Variants in SCRG1 observed in about 807,000 individuals in gnomAD.
SCRG1 encodes the protein stimulator of chondrogenesis 1.
In SCRG1, 3 loss-of-function variants were observed where a neutral mutation model predicts 7.7. That is an observed-to-expected ratio of 0.39 (90% confidence interval 0.18 to 1.01). The LOEUF is 1.01. SCRG1 is among the 50% of genes least tolerant of loss of function. SCRG1 has a pLI of 0.36. For missense variants in SCRG1, 110 were observed against 117.2 expected (o/e 0.94, Z 0.28); for synonymous variants, 46 against 41.2 (o/e 1.12, Z -0.44).
chr4:173,485,018 T>TATATTATAA, the SCRG1 span, among the ~76,000 whole-genome samples: 21 of 26,012 alleles, frequency 8.1e-4, 4 homozygotes, highest in African/African-American at 1.7e-3. Context: ...TAATATATAA[T>TATATTATAA]ATATAATATA....
At chr4:173,467,539 G>T in the SCRG1 span, among the ~76,000 whole-genome samples, 1 of 152,082 alleles carries the variant, frequency 6.6e-6, no homozygotes, top group South Asian at 2.1e-4. Flanking sequence ...TTTTTGTCTT[G>T]GATTGTTTTG....
At chr4:173,399,891 G>A (rs1201823181), upstream of SCRG1, among the ~76,000 whole-genome samples, 1 of 152,112 alleles carries the variant, frequency 6.6e-6, no homozygotes, top group African/African-American at 2.4e-5. Context: ...TTGAGGCAAG[G>A]GCATTCCAGG....
At chr4:173,399,975 A>T (rs572183929), upstream of SCRG1, among the ~76,000 whole-genome samples, 1 of 152,338 alleles carries the variant, frequency 6.6e-6, no homozygotes, top group African/African-American at 2.4e-5. Flanking sequence ...ATTTGGCTAA[A>T]ACCAAAGGTG....
chr4:173,451,633 A>ATTTATTTT, the SCRG1 span, among the ~76,000 whole-genome samples: 76 of 51,680 alleles, frequency 1.5e-3, no homozygotes, highest in African/African-American at 3.3e-3. Flanking sequence ...TTACTTACTT[A>ATTTATTTT]TTTTATTTAT....
chr4:173,476,856 G>A, the SCRG1 span, among the ~76,000 whole-genome samples: 1 of 152,134 alleles, frequency 6.6e-6, no homozygotes, highest in East Asian at 1.9e-4. Context: ...TTAAAAAGAA[G>A]CCAGTATTAC....
the SCRG1 span, among the ~76,000 whole-genome samples, chr4:173,464,434 C>A: frequency 2.0e-4 from 30 of 152,250 alleles, no homozygotes; most frequent in African/African-American, 6.7e-4. Context: ...ACAAAATAAC[C>A]ACCAAATTAA....
chr4:173,431,181 T>C, the SCRG1 span, among the ~76,000 whole-genome samples: 1 of 151,934 alleles, frequency 6.6e-6, no homozygotes, highest in East Asian at 1.9e-4. Context: ...GCAAACAGAG[T>C]TCTGCTGATG....
At chr4:173,401,413 ACC>A (rs1368855218), upstream of SCRG1, among the ~76,000 whole-genome samples, 1 of 152,232 alleles carries the variant, frequency 6.6e-6, no homozygotes, top group African/African-American at 2.4e-5. Context: ...CGTCCTGTTT[ACC>A]TCAGGTAGAT....
At chr4:173,517,840 G>A in the SCRG1 span, among the ~76,000 whole-genome samples, 3 of 152,240 alleles carry the variant, frequency 2.0e-5, no homozygotes, top group African/African-American at 7.2e-5. Context: ...TGGGCCCTTA[G>A]CCTCGCCGGC....
the SCRG1 span, among the ~76,000 whole-genome samples, chr4:173,503,565 C>A: frequency 6.6e-6 from 1 of 152,056 alleles, no homozygotes; most frequent in Non-Finnish European, 1.5e-5. This position sits in a 1 kb window ranked among gnomAD's most constrained non-coding sequence, Gnocchi z 6.4. Context: ...GGGGAGATGG[C>A]TTTTCAAGTT....
chr4:173,495,395 AC>A, the SCRG1 span, among the ~76,000 whole-genome samples: 2 of 152,244 alleles, frequency 1.3e-5, no homozygotes, highest in African/African-American at 4.8e-5. Context: ...TGACTTTTAA[AC>A]GGTGAAATCT....
At chr4:173,395,560 A>G (rs1739581074) in intron 1 of SCRG1, among the ~76,000 whole-genome samples, 1 of 152,118 alleles carries the variant, frequency 6.6e-6, no homozygotes, top group African/African-American at 2.4e-5. Flanking sequence ...CTTGATATTA[A>G]TTTCTGACCA....
the SCRG1 span, among the ~76,000 whole-genome samples, chr4:173,448,958 G>A: frequency 6.6e-6 from 1 of 152,244 alleles, no homozygotes; most frequent in African/African-American, 2.4e-5. Flanking sequence ...TCTTTTGGAA[G>A]ATTTTCAGTT....
upstream of SCRG1, among the ~76,000 whole-genome samples, chr4:173,400,664 C>T (rs2126921702): frequency 6.6e-6 from 1 of 152,304 alleles, no homozygotes; most frequent in East Asian, 1.9e-4. Flanking sequence ...CCAGGCATTT[C>T]ATACGTCTGA....
the SCRG1 span, among the ~76,000 whole-genome samples, chr4:173,490,988 A>G: frequency 1.4e-4 from 22 of 152,288 alleles, no homozygotes; most frequent in Admixed American, 1.4e-3. Flanking sequence ...GTAGTGTCCC[A>G]TTATGCCAGG....
At chr4:173,428,995 T>C in the SCRG1 span, among the ~76,000 whole-genome samples, 2 of 152,210 alleles carry the variant, frequency 1.3e-5, no homozygotes, top group South Asian at 2.1e-4. Flanking sequence ...TTAAAAAATG[T>C]ATTGTTGGGT....
chr4:173,518,706 C>T, the SCRG1 span, among the ~76,000 whole-genome samples: 1 of 152,170 alleles, frequency 6.6e-6, no homozygotes, highest in Non-Finnish European at 1.5e-5. Context: ...CCTGCGCCCC[C>T]TTTTTGGTCT....
chr4:173,421,491 T>G, the SCRG1 span, among the ~76,000 whole-genome samples: 2 of 152,144 alleles, frequency 1.3e-5, no homozygotes, highest in African/African-American at 4.8e-5. Flanking sequence ...ATCCATCTCC[T>G]GGGTCTGAAA....
At chr4:173,484,490 C>CATATAATATATATTATATATTATATAT in the SCRG1 span, among the ~76,000 whole-genome samples, 1 of 38,408 alleles carries the variant, frequency 2.6e-5, no homozygotes, top group Non-Finnish European at 5.0e-5. Context: ...ATATTATATA[C>CATATAATATATATTATATATTATATAT]ATATAATATA....
Sources: allele counts gnomAD v4.1 joint callset (sites outside exome capture counted in the v4.1 genomes callset), GRCh38; gene constraint gnomAD v4.1.1; non-coding constraint Gnocchi (gnomAD v3.1); transcripts MANE v1.5; gene names NCBI Gene and HGNC (gene_info 2026-07-23, HGNC 2026-07-21).